MYO1D: variants seen among roughly 807,000 people sequenced by gnomAD.
MYO1D encodes myosin ID.
MYO1D carries 83 observed loss-of-function variants against 122.0 expected under a neutral mutation model. The ratio of observed to expected loss-of-function variants is 0.68; its 90% CI spans 0.57 to 0.82. MYO1D has a LOEUF of 0.82. Among genes scored for constraint, MYO1D ranks in the 40% least tolerant of loss-of-function variants. The pLI is 0.00. For synonymous variants in MYO1D, 464 were observed against 446.9 expected (o/e 1.04, Z -0.48); for missense variants, 1,157 against 1,269.5 (o/e 0.91, Z 1.35).
intron 21 of MYO1D, among the ~76,000 whole-genome samples, chr17:32,521,195 C>T (rs59002537): frequency 0.031 from 4,681 of 152,270 alleles, 242 homozygotes; most frequent in African/African-American, 0.11. Flanking sequence ...AGACCCCTCC[C>T]TCAGGGCCAG....
At chr17:32,563,204 C>CTT (rs749819200) in intron 21 of MYO1D, among the ~76,000 whole-genome samples, 15,101 of 102,894 alleles carry the variant, frequency 0.15, 1,596 homozygotes, top group Non-Finnish European at 0.17. Context: ...TTTTTCTTCT[C>CTT]TCTTTTTTTT....
At chr17:32,734,697 A>G (rs2089677357) in intron 14 of MYO1D, 2 of 152,010 alleles carry the variant, frequency 1.3e-5, no homozygotes, top group African/African-American at 4.8e-5. Context: ...GTTCCAAAAC[A>G]TATTACATTT....
intron 1 of MYO1D, among the ~76,000 whole-genome samples, chr17:32,861,933 G>A (rs540843836): frequency 2.0e-5 from 3 of 152,300 alleles, no homozygotes; most frequent in African/African-American, 7.2e-5. Flanking sequence ...TAGGAGAATA[G>A]CTTGAGCCCA....
chr17:32,500,685 G>A (rs1232811026), intron 21 of MYO1D, among the ~76,000 whole-genome samples: 1 of 152,204 alleles, frequency 6.6e-6, no homozygotes, highest in Non-Finnish European at 1.5e-5. Flanking sequence ...TCTACACACT[G>A]CCATCAGCAG....
chr17:32,522,860 A>C (rs1399115799), intron 21 of MYO1D, among the ~76,000 whole-genome samples: 5 of 144,932 alleles, frequency 3.4e-5, no homozygotes, highest in Non-Finnish European at 6.0e-5. Flanking sequence ...TCTGTCGCCC[A>C]GGCTGGAGTG....
At chr17:32,694,211 A>G (rs1296900274) in intron 16 of MYO1D, among the ~76,000 whole-genome samples, 2 of 152,276 alleles carry the variant, frequency 1.3e-5, no homozygotes, top group Non-Finnish European at 2.9e-5. Flanking sequence ...TCCATGATTC[A>G]CCAACAAATG....
Position 32,653,851 on chromosome 17 carries a change from C to A in MYO1D, c.2587G>T (p.Val863Phe). Residue 863 changes from valine to phenylalanine, a missense_variant, in exon 19 of 22, where the codon GTC (valine) becomes TTC (phenylalanine). By Grantham distance (50) the Val-to-Phe change is conservative (BLOSUM62 -1). Coordinates refer to ENST00000318217, the MANE Select transcript of MYO1D (RefSeq NM_015194.3). ...KYMNVLFSCHVRKVNRFSKVE... is the reference protein window; with the variant it reads ...KYMNVLFSCHFRKVNRFSKVE... The stretch of plus-strand genomic sequence containing the variant: ...GTTTAAGCTTGCCTTACCTTACGGA[C>A]GTGACAGGAAAAGAGGACATTCATG... 6.2e-7 allele frequency: 1 copy of A among 1,612,942 alleles called. No homozygotes were observed. The highest frequency in any genetic ancestry group is 8.5e-7 in the Non-Finnish European group (1 of 1,179,154).
chr17:32,613,730 T>G (rs1464375424), intron 20 of MYO1D, among the ~76,000 whole-genome samples: 1 of 126,216 alleles, frequency 7.9e-6, no homozygotes, highest in African/African-American at 3.0e-5. Context: ...GCCGAAATAG[T>G]GCCACTGCAC....
At chr17:32,844,359 ATAT>A (rs1327604099) in intron 1 of MYO1D, among the ~76,000 whole-genome samples, 7 of 146,860 alleles carry the variant, frequency 4.8e-5, no homozygotes, top group Non-Finnish European at 8.9e-5. Flanking sequence ...ATGTGTATAT[ATAT>A]TATATATAGT....
At chr17:32,808,182 T>C (rs2090535518) in intron 1 of MYO1D, among the ~76,000 whole-genome samples, 2 of 152,046 alleles carry the variant, frequency 1.3e-5, no homozygotes, top group South Asian at 4.1e-4. Flanking sequence ...AAGATCAGCC[T>C]GGGCAACATA....
At chr17:32,669,902 C>T (rs2543978) in intron 16 of MYO1D, among the ~76,000 whole-genome samples, 99,528 of 148,708 alleles carry the variant, frequency 0.67, 33,428 homozygotes, top group Middle Eastern at 0.77. Context: ...TTTCTTTTTT[C>T]TTTTTTTTCA....
intron 1 of MYO1D, among the ~76,000 whole-genome samples, chr17:32,809,490 G>A: frequency 6.7e-6 from 1 of 149,928 alleles, no homozygotes; most frequent in Non-Finnish European, 1.5e-5. Context: ...CCAGGCTGGA[G>A]GGCAGTGGCG....
chr17:32,712,378 C>T (rs2150986865), intron 15 of MYO1D, among the ~76,000 whole-genome samples, 183 bp from the exon 16 acceptor site: 1 of 152,258 alleles, frequency 6.6e-6, no homozygotes, highest in East Asian at 1.9e-4. Flanking sequence ...TTTAAGATAA[C>T]AACTCTTACT....
chr17:32,708,493 A>C (rs1395035627), intron 16 of MYO1D, among the ~76,000 whole-genome samples: 1 of 152,182 alleles, frequency 6.6e-6, no homozygotes, highest in African/African-American at 2.4e-5. Context: ...TTCTTGTTTA[A>C]AATAACAGCT....
intron 10 of MYO1D, among the ~76,000 whole-genome samples, chr17:32,756,008 CTGT>C (rs1426202133): frequency 3.9e-5 from 6 of 152,292 alleles, no homozygotes; most frequent in Admixed American, 6.5e-5. Flanking sequence ...CTGCCATTAA[CTGT>C]AAGGTCCACC....
chr17:32,620,074 C>T (rs781598669), intron 20 of MYO1D, among the ~76,000 whole-genome samples: 1 of 152,120 alleles, frequency 6.6e-6, no homozygotes, highest in Non-Finnish European at 1.5e-5. Context: ...AAGTCCAGGC[C>T]CCTCAACATG....
Position 32,643,254 on chromosome 17 carries a change from T to G in MYO1D, c.2596-4419A>C, listed in dbSNP as rs184026169. Among the ~76,000 whole-genome samples the G allele has an allele frequency of 1.9e-3, 284 of 152,346 alleles. 3 individuals carry two copies. Among genetic ancestry groups the G allele is most frequent in the Non-Finnish European group, 1.2e-3 (79 of 68,034 alleles). ...TGATTTGCATATGTTGAACCAGTCT[T>G]GCATCCCAGGGATGAAGACAACTTG... On this transcript the variant is annotated intron_variant, in intron 19 of 21. Transcript: ENST00000318217.
At chr17:32,850,360 C>G (rs543565442) in intron 1 of MYO1D, among the ~76,000 whole-genome samples, 1 of 152,152 alleles carries the variant, frequency 6.6e-6, no homozygotes, top group South Asian at 2.1e-4. Flanking sequence ...TGGACAATTG[C>G]CCATCCTCCA....
intron 21 of MYO1D, among the ~76,000 whole-genome samples, chr17:32,551,028 G>T (rs1314832233): frequency 6.6e-6 from 1 of 152,084 alleles, no homozygotes; most frequent in Non-Finnish European, 1.5e-5. Context: ...CCAATTTACA[G>T]CCATTTCTTA....
Sources: gnomAD v4.1 joint callset for allele counts (sites outside exome capture counted in the v4.1 genomes callset) on GRCh38, gnomAD v4.1.1 for gene constraint, MANE v1.5 for transcripts, NCBI Gene and HGNC (gene_info 2026-07-23, HGNC 2026-07-21) for gene names.